The following FGD4 variants were observed in gnomAD, a reference collection of about 807,000 sequenced individuals.
FGD4 encodes FYVE, RhoGEF and PH domain-containing protein 4.
In FGD4, 42 loss-of-function variants were observed where a neutral mutation model predicts 102.0. The ratio of observed to expected loss-of-function variants is 0.41; its 90% CI spans 0.32 to 0.53. The LOEUF is 0.53. Among genes scored for constraint, FGD4 ranks in the 20% least tolerant of loss-of-function variants. FGD4 has a pLI of 0.21. For missense variants in FGD4, 902 were observed against 1,078.2 expected, an observed-to-expected ratio of 0.84 and a Z score of 2.29; for synonymous variants, 380 against 375.7, an observed-to-expected ratio of 1.01 and a Z score of -0.13.
At chr12:32,486,210 A>T (rs1357603988) in intron 1 of FGD4, 2 of 1,456,274 alleles carry the variant, frequency 1.4e-6, no homozygotes, top group Non-Finnish European at 1.8e-6. Context: ...TTTTTTCACT[A>T]TGCAAAGTAT....
At chr12:32,401,697 A>G (rs1303086725) in intron 1 of FGD4, among the ~76,000 whole-genome samples, 1 of 150,576 alleles carries the variant, frequency 6.6e-6, no homozygotes, top group African/African-American at 2.4e-5. Context: ...CATTTCTGTA[A>G]GGTAGCTCTG....
chr12:32,417,198 G>A (rs778569188), intron 1 of FGD4, among the ~76,000 whole-genome samples: 4 of 151,982 alleles, frequency 2.6e-5, no homozygotes, highest in East Asian at 1.9e-4. Context: ...CTGGCCTAAC[G>A]TCCTTTTCTT....
At chr12:32,557,912 GAAAAATGTTTTATA>G (rs1368879095) in intron 1 of FGD4, among the ~76,000 whole-genome samples, 1 of 152,102 alleles carries the variant, frequency 6.6e-6, no homozygotes, top group Admixed American at 6.5e-5. Flanking sequence ...GAAGACTGTT[GAAAAATGTTTTATA>G]ATAATGTTTT....
rs1313786877 is a variant in FGD4 at position 32,517,676 on chromosome 12, T to G, written c.167-46461T>G. 2.6e-5 allele frequency among the ~76,000 whole-genome samples: 4 copies of G among 152,160 alleles called. No individual in the cohort carries two copies. In the East Asian group the frequency reaches 5.8e-4, roughly 22 times the overall value. ...GAGAGGCCAAGGCAGGAGAATTGCT[T>G]GAGCCCAGGAGTTTGAGACCAGTCT... On this transcript the variant is annotated intron_variant, in intron 1 of 16. Coordinates refer to ENST00000534526, the MANE Select transcript of FGD4 (RefSeq NM_001370298.3).
At chr12:32,400,147 C>T (rs1940591839) in intron 1 of FGD4, among the ~76,000 whole-genome samples, 188 bp downstream of exon 1, 1 of 152,232 alleles carries the variant, frequency 6.6e-6, no homozygotes, top group Admixed American at 6.5e-5. Flanking sequence ...CCCCAGAGGA[C>T]CTTGGGCAGG....
At chr12:32,474,252 A>T (rs1391751220) in intron 1 of FGD4, among the ~76,000 whole-genome samples, 4 of 152,188 alleles carry the variant, frequency 2.6e-5, no homozygotes, top group Non-Finnish European at 5.9e-5. Context: ...GTACCTAGAC[A>T]TATACTCAAA....
intron 1 of FGD4, among the ~76,000 whole-genome samples, chr12:32,530,449 C>T (rs1419222524): frequency 1.3e-5 from 2 of 152,184 alleles, no homozygotes; most frequent in Non-Finnish European, 2.9e-5. Flanking sequence ...CACCACTGCA[C>T]TCCAACCTGG....
intron 7 of FGD4, among the ~76,000 whole-genome samples, chr12:32,606,038 C>G (rs1293976487): frequency 1.3e-5 from 2 of 152,164 alleles, no homozygotes; most frequent in African/African-American, 4.8e-5. Flanking sequence ...AATCCTAAGT[C>G]TGCTGCTTAT....
chr12:32,441,025 G>A (rs1026191524), intron 1 of FGD4, among the ~76,000 whole-genome samples: 5 of 152,140 alleles, frequency 3.3e-5, no homozygotes, highest in African/African-American at 9.7e-5. Flanking sequence ...TGCCTGGCCT[G>A]GGACTCACCC....
At chr12:32,597,242 C>A (rs1947984296) in intron 4 of FGD4, among the ~76,000 whole-genome samples, 1 of 152,134 alleles carries the variant, frequency 6.6e-6, no homozygotes, top group Non-Finnish European at 1.5e-5. Flanking sequence ...GTAATCAGAT[C>A]ATTTGATAGC....
intron 1 of FGD4, among the ~76,000 whole-genome samples, chr12:32,526,387 A>C (rs1048297100): frequency 6.6e-6 from 1 of 152,120 alleles, no homozygotes; most frequent in Non-Finnish European, 1.5e-5. Context: ...AGGTTTGTGA[A>C]TGCACCAATC....
chr12:32,598,672 T>G (rs758033748), intron 5 of FGD4, 86 bp downstream of exon 5: 1 of 1,138,282 alleles, frequency 8.8e-7, no homozygotes, highest in Non-Finnish European at 1.3e-6. Flanking sequence ...AGAAACTGCA[T>G]GAAGGAAGGG....
chr12:32,404,979 G>T (rs1448469098), intron 1 of FGD4, among the ~76,000 whole-genome samples: 2 of 151,986 alleles, frequency 1.3e-5, no homozygotes, highest in African/African-American at 4.8e-5. Context: ...TGTTGCCCAG[G>T]CTGGAGAGCA....
At chr12:32,491,318 T>G (rs1944086803) in intron 1 of FGD4, among the ~76,000 whole-genome samples, 1 of 152,170 alleles carries the variant, frequency 6.6e-6, no homozygotes, top group Admixed American at 6.5e-5. Context: ...ATTTAAGATC[T>G]TCTAGTAAAT....
chr12:32,638,697 T>C lies in FGD4; in HGVS notation c.2356T>C (p.Phe786Leu). Residue 786 changes from phenylalanine to leucine, a missense_variant, in exon 16 of 17, where the codon TTT becomes CTT. Physicochemically the swap from Phe to Leu is conservative, Grantham distance 22. Around this residue, in one of 2 missense-constraint regions of FGD4, gnomAD observed 459 missense variants for 619.0 expected, o/e 0.74. Coordinates refer to ENST00000534526, the MANE Select transcript of FGD4 (RefSeq NM_001370298.3). Reference protein sequence around the residue: ...EVSGNSVVCSFLQYMEKSKPW... With the variant: ...EVSGNSVVCSLLQYMEKSKPW... ...ATCTGGAAACAGTGTGGTGTGCAGC[T>C]TTCTTCAGTATATGGAGAAGTCAAA... The C allele has an allele frequency of 1.2e-6, 2 of 1,614,212 alleles. No homozygotes were observed. Among genetic ancestry groups the C allele is most frequent in the Non-Finnish European group, 1.7e-6 (2 of 1,180,044 alleles).
chr12:32,578,335 C>CTTAA (rs2136393765), intron 3 of FGD4, among the ~76,000 whole-genome samples: 1 of 152,260 alleles, frequency 6.6e-6, no homozygotes, highest in Admixed American at 6.5e-5. Context: ...ATCTATAGGA[C>CTTAA]TTAAGTAGGA....
intron 1 of FGD4, chr12:32,502,163 A>T (rs192626243): frequency 1.0e-6 from 1 of 985,400 alleles, no homozygotes; most frequent in African/African-American, 1.7e-5. Flanking sequence ...GAATGTGATT[A>T]TCCTTGCTGG....
chr12:32,429,139 G>GT (rs1205927935), intron 1 of FGD4, among the ~76,000 whole-genome samples: 2 of 152,172 alleles, frequency 1.3e-5, no homozygotes, highest in African/African-American at 4.8e-5. Context: ...TTTTGCTCTG[G>GT]TTTTTCCTCA....
intron 7 of FGD4, among the ~76,000 whole-genome samples, 197 bp downstream of exon 7, chr12:32,602,514 C>T (rs1013107847): frequency 6.6e-6 from 1 of 152,202 alleles, no homozygotes; most frequent in African/African-American, 2.4e-5. Flanking sequence ...AATAACTTCT[C>T]CATTTGCTTT....
Sources: gnomAD v4.1 joint callset for allele counts (sites outside exome capture counted in the v4.1 genomes callset) on GRCh38, gnomAD v4.1.1 for gene constraint, gnomAD v4.1.1 regional missense constraint, MANE v1.5 for transcripts, NCBI Gene and HGNC (gene_info 2026-07-23, HGNC 2026-07-21) for gene names.